JARID2: variants seen among roughly 807,000 people sequenced by gnomAD.
JARID2 encodes protein Jumonji.
In JARID2, 21 loss-of-function variants were observed where a neutral mutation model predicts 125.6. That is an observed-to-expected ratio of 0.17 (90% CI 0.12 to 0.24). JARID2 has a LOEUF of 0.24. Among genes scored for constraint, JARID2 ranks in the 10% least tolerant of loss-of-function variants. JARID2 has a pLI of 1.00. For missense variants in JARID2, 1,303 were observed against 1,639.6 expected (o/e 0.79, Z 3.55); for synonymous variants, 736 against 661.6 (o/e 1.11, Z -1.73).
chr6:15,248,044 T>G, intron 1 of JARID2: 1 of 985,142 alleles, frequency 1.0e-6, no homozygotes, highest in Non-Finnish European at 1.2e-6. Flanking sequence ...CTCGTTGAGG[T>G]GGAGAGCAGC....
chr6:15,435,065 T>G (rs1169472423), intron 3 of JARID2, among the ~76,000 whole-genome samples: 1 of 152,214 alleles, frequency 6.6e-6, no homozygotes, highest in Non-Finnish European at 1.5e-5. Context: ...GGTGTTAGTT[T>G]CCTGTTTTTC....
intron 4 of JARID2, among the ~76,000 whole-genome samples, chr6:15,456,433 C>A (rs1415293971): frequency 1.3e-5 from 2 of 152,064 alleles, no homozygotes; most frequent in Non-Finnish European, 2.9e-5. Context: ...ATGCTCTGAA[C>A]CTTTGGAAAT....
At chr6:15,308,361 A>G (rs1475124657) in intron 1 of JARID2, among the ~76,000 whole-genome samples, 1 of 152,192 alleles carries the variant, frequency 6.6e-6, no homozygotes, top group Non-Finnish European at 1.5e-5. Flanking sequence ...CTGGATCTGG[A>G]GCCTCATTTA....
intron 1 of JARID2, among the ~76,000 whole-genome samples, chr6:15,251,525 T>A (rs1198696093): frequency 3.3e-5 from 5 of 152,256 alleles, no homozygotes; most frequent in African/African-American, 1.2e-4. Context: ...ATGTCCTGAC[T>A]GATATCCCAG....
chr6:15,486,164 T>G (rs1368657119), intron 5 of JARID2, among the ~76,000 whole-genome samples: 4 of 152,204 alleles, frequency 2.6e-5, no homozygotes, highest in African/African-American at 9.7e-5. Flanking sequence ...AGGAACAGGG[T>G]GTGCTTCCTC....
chr6:15,475,261 C>T (rs144872868), intron 5 of JARID2, among the ~76,000 whole-genome samples: 1 of 152,164 alleles, frequency 6.6e-6, no homozygotes, highest in Non-Finnish European at 1.5e-5. Context: ...TAGAGGGTTC[C>T]TTGCAATAAA....
At position 15,462,295 on chromosome 6, in the gene JARID2, AG is replaced by A. The variant is rs1389450922; in HGVS notation, c.494-6246del. 5.9e-5 allele frequency among the ~76,000 whole-genome samples: 9 copies of A among 152,354 alleles called. No homozygotes were observed. The East Asian group carries it at 1.7e-3, about 29-fold the overall frequency. ...TAATTTCTTCCCTAATAAGTTGTAA[AG>A]TCAGACCAGGAATGGGCAGAGATTG... On this transcript the variant is annotated intron_variant, in intron 4 of 17. Transcript: ENST00000341776.
chr6:15,368,631 A>C (rs1764058016), intron 1 of JARID2: 1 of 453,534 alleles, frequency 2.2e-6, no homozygotes, highest in African/African-American at 2.0e-5. Context: ...TCACGTAAGG[A>C]ATGATTAAAG....
chr6:15,300,747 G>GAGAC (rs370331847), intron 1 of JARID2, among the ~76,000 whole-genome samples: 3 of 149,968 alleles, frequency 2.0e-5, no homozygotes, highest in African/African-American at 7.4e-5. Flanking sequence ...GAGAGAGAGA[G>GAGAC]AGACAGAGAG....
chr6:15,256,495 A>T (rs1463331245), intron 1 of JARID2, among the ~76,000 whole-genome samples: 2 of 152,246 alleles, frequency 1.3e-5, no homozygotes, highest in Non-Finnish European at 2.9e-5. Flanking sequence ...TGATGTGAAC[A>T]CAATTCTTTA....
At chr6:15,407,469 T>TA (rs558101942) in intron 2 of JARID2, among the ~76,000 whole-genome samples, 258 of 151,150 alleles carry the variant, frequency 1.7e-3, no homozygotes, top group African/African-American at 6.2e-3. Flanking sequence ...CTTTCTTACT[T>TA]ACTTGCTAAA....
At chr6:15,393,787 G>A (rs1484590657) in intron 2 of JARID2, among the ~76,000 whole-genome samples, 2 of 152,194 alleles carry the variant, frequency 1.3e-5, no homozygotes, top group African/African-American at 2.4e-5. Flanking sequence ...ATTCTAGGTA[G>A]TTTTGACATT....
In JARID2 at chr6:15,246,353, T is replaced by C. The variant is rs139537583; in HGVS notation, c.-187T>C. 1.3e-3 allele frequency: 774 copies of C among 579,158 alleles called. 6 individuals are homozygous for C. The East Asian group carries it at 0.017, about 13-fold the overall frequency. The allele number at this position is 579,158 out of a possible 1,614,324, so 35.9% of individuals were successfully genotyped here. ...TCGTTCGTCTTTGGCTCTTTTTTTT[T>C]CCTTCCCAATTTCGGATTTATTTCA... On this transcript the variant is annotated 5_prime_UTR_variant, in exon 1 of 18. Coordinates refer to ENST00000341776, the MANE Select transcript of JARID2 (RefSeq NM_004973.4).
chr6:15,379,535 T>A (rs1215571990), intron 2 of JARID2, among the ~76,000 whole-genome samples: 3 of 152,178 alleles, frequency 2.0e-5, no homozygotes, highest in Non-Finnish European at 4.4e-5. Context: ...TAACTGTATT[T>A]GAATTTCATT....
At chr6:15,398,012 C>A (rs1160134627) in intron 2 of JARID2, among the ~76,000 whole-genome samples, 2 of 152,100 alleles carry the variant, frequency 1.3e-5, no homozygotes, top group Non-Finnish European at 2.9e-5. Flanking sequence ...ATAAGCAAGG[C>A]CACGGATGGA....
chr6:15,271,585 G>T (rs574661835), intron 1 of JARID2, among the ~76,000 whole-genome samples: 1 of 152,172 alleles, frequency 6.6e-6, no homozygotes, highest in South Asian at 2.1e-4. Context: ...CAAGGCATGA[G>T]GCTTGCTTGA....
intron 9 of JARID2, chr6:15,505,346 T>TG (rs754734579): frequency 1.7e-4 from 14 of 83,030 alleles, no homozygotes; most frequent in African/African-American, 5.6e-4. Context: ...GCTTTTGCTG[T>TG]GTTTTTTTTT....
In JARID2 at chr6:15,468,734, A is replaced by G; in HGVS notation, c.670+16A>G. The G allele has an allele frequency of 1.3e-6, 2 of 1,596,360 alleles. No homozygotes were observed. Among genetic ancestry groups the G allele is most frequent in the Middle Eastern group, 3.4e-4 (2 of 5,936 alleles). On this transcript the variant is annotated intron_variant, in intron 5 of 17. Transcript: ENST00000341776. The stretch of plus-strand genomic sequence containing the variant: ...AACGGGCATGGTAGGTCCACCGTTG[A>G]ACTTGGATAAGAAAAAATCTAAAGC...
chr6:15,492,541 G>T (rs1180505496), intron 6 of JARID2, among the ~76,000 whole-genome samples: 3 of 152,230 alleles, frequency 2.0e-5, no homozygotes, highest in Admixed American at 2.0e-4. Flanking sequence ...GCTCCTTATA[G>T]ACAAGTCCAG....
Sources: gnomAD v4.1 joint callset for allele counts (sites outside exome capture counted in the v4.1 genomes callset) on GRCh38, gnomAD v4.1.1 for gene constraint, MANE v1.5 for transcripts, NCBI Gene and HGNC (gene_info 2026-07-23, HGNC 2026-07-21) for gene names.